The following EPHA2 variants were observed in gnomAD, a reference collection of about 807,000 sequenced individuals.
EPHA2 encodes the protein EPH receptor A2.
In EPHA2, 54 loss-of-function variants were observed where a neutral mutation model predicts 104.9. The observed-to-expected ratio is 0.51, with a 90% CI of 0.41 to 0.65. EPHA2 has a LOEUF of 0.65. EPHA2 is among the 30% of genes least tolerant of loss of function. The probability of loss-of-function intolerance (pLI) is 0.00; values close to 1 mark genes in which losing one functional copy is unlikely to be tolerated. For missense variants in EPHA2, 1,117 were observed against 1,369.5 expected (o/e 0.82, Z 2.91); for synonymous variants, 560 against 559.1 (o/e 1.00, Z -0.02).
intron 1 of EPHA2, among the ~76,000 whole-genome samples, chr1:16,152,277 G>A (rs1210660692): frequency 6.6e-6 from 1 of 152,212 alleles, no homozygotes; most frequent in Non-Finnish European, 1.5e-5. Flanking sequence ...GGTTTGTGGA[G>A]ATGGGAGCTG....
At chr1:16,153,000 C>A (rs1339271775) in intron 1 of EPHA2, among the ~76,000 whole-genome samples, 1 of 152,174 alleles carries the variant, frequency 6.6e-6, no homozygotes, top group Non-Finnish European at 1.5e-5. Context: ...GGGACAGAGG[C>A]TCCCGCTTCT....
rs531735479 is a variant in EPHA2 at position 16,140,861 on chromosome 1, A to G, written c.824-2431T>C. On this transcript the variant is annotated intron_variant, in intron 3 of 16. Coordinates refer to ENST00000358432, the MANE Select transcript of EPHA2 (RefSeq NM_004431.5). The stretch of plus-strand genomic sequence containing the variant: ...AGTGATCCACCCGTCTCGGCCTCCC[A>G]AAGTGCTGGGATTACAGGCGTGAGC... 4.1e-3 allele frequency among the ~76,000 whole-genome samples: 627 copies of G among 152,094 alleles called. 3 individuals are homozygous for G. The highest frequency in any genetic ancestry group is 5.9e-3 in the Non-Finnish European group (398 of 67,998).
rs750260020 is a variant in EPHA2 at position 16,131,838 on chromosome 1, C to T, written c.2358G>A (p.Pro786=). ...GGKIPIRWTA[P]EAISYRKFTS... ...TGAACTTCCGGTAGGAAATGGCCTC[C>T]GGGGCGGTCCAGCGGATGGGGATCT... Residue 786 remains proline (P), a synonymous_variant, in exon 14 of 17, where the codon CCG becomes CCA. Transcript: ENST00000358432. The surrounding 1 kb of genome is among the most constrained non-coding windows in gnomAD (Gnocchi z 5.2). 25 of 1,613,878 alleles carry T rather than the reference C, an allele frequency of 1.5e-5. 1 individual carries two copies. The highest frequency in any genetic ancestry group is 3.3e-5 in the South Asian group (3 of 91,086).
chr1:16,143,983 A>C (rs1173860293), intron 3 of EPHA2, among the ~76,000 whole-genome samples: 1 of 152,068 alleles, frequency 6.6e-6, no homozygotes, highest in Non-Finnish European at 1.5e-5. Flanking sequence ...CACACACCCT[A>C]GGGAGCTATC....
intron 5 of EPHA2, among the ~76,000 whole-genome samples, chr1:16,136,769 A>AGAAGAAGAG (rs1161659446): frequency 6.6e-6 from 1 of 150,556 alleles, no homozygotes; most frequent in Non-Finnish European, 1.5e-5. Context: ...AAGAAGAAGA[A>AGAAGAAGAG]GAAGAACTAA....
At chr1:16,151,036 G>C in intron 1 of EPHA2, 73 bp from the exon 2 acceptor site, 1 of 1,490,648 alleles carries the variant, frequency 6.7e-7, no homozygotes, top group Non-Finnish European at 9.3e-7. Context: ...GAAAGGTGAG[G>C]ATCCCTCCAG....
At chr1:16,151,257 G>A (rs2025030868) in intron 1 of EPHA2, among the ~76,000 whole-genome samples, 1 of 152,178 alleles carries the variant, frequency 6.6e-6, no homozygotes. Flanking sequence ...TCCCCAGCTG[G>A]GCAGAGCAGG....
Position 16,134,049 on chromosome 1 carries a change from T to C in EPHA2, c.1683-134A>G. On this transcript the variant is annotated intron_variant, in intron 8 of 16. Coordinates refer to ENST00000358432, the MANE Select transcript of EPHA2 (RefSeq NM_004431.5). This position sits in a 1 kb window ranked among gnomAD's most constrained non-coding sequence, Gnocchi z 4.5. ...AATGCGGCCCAGTCCCCGCTTTTGC[T>C]GCCCAAGCTCCACTCTCAGGGCCGA... The C allele has an allele frequency of 1.1e-6, 1 of 871,684 alleles. No individual in the cohort carries two copies. The highest frequency in any genetic ancestry group is 1.7e-6 in the Non-Finnish European group (1 of 578,474). 54.0% of individuals were successfully genotyped at this position (871,684 alleles called of 1,614,324 possible).
intron 3 of EPHA2, among the ~76,000 whole-genome samples, chr1:16,141,133 C>T (rs2124237712): frequency 6.6e-6 from 1 of 152,338 alleles, no homozygotes; most frequent in Non-Finnish European, 1.5e-5. Flanking sequence ...GCCTGACCCA[C>T]TTCAAAAGCC....
chr1:16,145,869 G>A (rs1390115683), intron 3 of EPHA2, among the ~76,000 whole-genome samples: 1 of 152,238 alleles, frequency 6.6e-6, no homozygotes, highest in Non-Finnish European at 1.5e-5. Context: ...TGTGACTTCA[G>A]GCAAGCCTCT....
Position 16,134,395 on chromosome 1 carries a change from T to G in EPHA2, c.1682+73A>C. 1.4e-6 allele frequency: 2 copies of G among 1,478,558 alleles called. No individual in the cohort carries two copies. The highest frequency in any genetic ancestry group is 1.9e-6 in the Non-Finnish European group (2 of 1,063,590). The allele number at this position is 1,478,558 out of a possible 1,614,324, so 91.6% of individuals were successfully genotyped here. A position where few individuals can be genotyped will look rare whatever the true frequency, so the allele number is the denominator to read the frequency against. On this transcript the variant is annotated intron_variant, in intron 8 of 16. Transcript: ENST00000358432. The surrounding 1 kb of genome is among the most constrained non-coding windows in gnomAD (Gnocchi z 4.5). ...CATCCTGTGGGCCCCATCGTTCAGA[T>G]GAGGAAATGGAGGTTCCTGCCCCAT...
rs201175373 is a variant in EPHA2, at chr1:16,148,595, G to A, written c.606C>T (p.Pro202=). 1.6e-4 allele frequency: 259 copies of A among 1,610,220 alleles called. 1 individual carries two copies. The East Asian group carries it at 5.3e-3, about 33-fold the overall frequency. Residue 202 remains proline (P), a synonymous_variant, in exon 3 of 17, where the codon CCC becomes CCT. Coordinates refer to ENST00000358432, the MANE Select transcript of EPHA2 (RefSeq NM_004431.5). This position sits in a 1 kb window ranked among gnomAD's most constrained non-coding sequence, Gnocchi z 4.9. ...LSVRVYYKKC[P]ELLQGLAHFP... Reference sequence around the variant, plus strand: ...AGTGGGCCAGGCCCTGCAGCAGCTCGGGGCACTTCTTGTAGTAGACACGGA... The same window carrying A: ...AGTGGGCCAGGCCCTGCAGCAGCTCAGGGCACTTCTTGTAGTAGACACGGA...
chr1:16,143,970 TCA>T (rs988559764), intron 3 of EPHA2, among the ~76,000 whole-genome samples: 3 of 152,080 alleles, frequency 2.0e-5, no homozygotes, highest in African/African-American at 7.2e-5. Flanking sequence ...CCTGTCCCTT[TCA>T]CACACACCCT....
At chr1:16,139,608 G>C (rs920816232) in intron 3 of EPHA2, among the ~76,000 whole-genome samples, 2 of 152,224 alleles carry the variant, frequency 1.3e-5, no homozygotes, top group African/African-American at 4.8e-5. Context: ...CCTTGGCCAG[G>C]AGTCTGAGAA....
rs747412388 is a variant in EPHA2, at chr1:16,131,693, C to T, written c.2475+28G>A. On this transcript the variant is annotated intron_variant, in intron 14 of 16. Transcript: ENST00000358432. This position sits in a 1 kb window ranked among gnomAD's most constrained non-coding sequence, Gnocchi z 5.2. ...TAAAGGGCTTGAGTTCAGGTCCGGA[C>T]AGGCCTGGGGAGGGCAAGGGCACCC... The T allele has an allele frequency of 6.2e-7, 1 of 1,613,716 alleles. No homozygotes were observed. The highest frequency in any genetic ancestry group is 1.1e-5 in the South Asian group (1 of 91,070).
Position 16,135,686 on chromosome 1 carries a change from ACTCGG to A in EPHA2, c.1392_1396del (p.Arg465ValfsTer129). 1 of 1,613,578 alleles carries A rather than the reference ACTCGG, an allele frequency of 6.2e-7. No homozygotes were observed. Among genetic ancestry groups the A allele is most frequent in the South Asian group, 1.1e-5 (1 of 91,060 alleles). On this transcript the variant is annotated frameshift_variant, in exon 6 of 17. Transcript: ENST00000358432. LOFTEE classifies it high-confidence loss of function. The surrounding 1 kb of genome is among the most constrained non-coding windows in gnomAD (Gnocchi z 4.3). ...GCGGTAAGTGACCTCGTACTTCCAC[ACTCGG>A]CTCTGCTGCGGCGGGGGGATGCTCC...
At chr1:16,153,977 C>T (rs77583860) in intron 1 of EPHA2, among the ~76,000 whole-genome samples, 4,107 of 152,156 alleles carry the variant, frequency 0.027, 196 homozygotes, top group African/African-American at 0.092. Flanking sequence ...AATGTACCCC[C>T]ACCCCAGTGC....
intron 16 of EPHA2, among the ~76,000 whole-genome samples, chr1:16,127,643 T>A (rs2024494154): frequency 6.6e-6 from 1 of 152,124 alleles, no homozygotes; most frequent in Non-Finnish European, 1.5e-5. Flanking sequence ...CTTCAGGTTT[T>A]AAAAAGTCCT....
intron 3 of EPHA2, among the ~76,000 whole-genome samples, chr1:16,141,184 T>A (rs970154361): frequency 1.3e-4 from 20 of 152,252 alleles, no homozygotes; most frequent in Non-Finnish European, 2.9e-4. Context: ...TGGGTCTATG[T>A]GTTGTGGAGG....
Sources: allele counts gnomAD v4.1 joint callset (sites outside exome capture counted in the v4.1 genomes callset), GRCh38; gene constraint gnomAD v4.1.1; non-coding constraint Gnocchi (gnomAD v3.1); transcripts MANE v1.5; gene names NCBI Gene and HGNC (gene_info 2026-07-23, HGNC 2026-07-21).